The following KCNJ12 variants were observed in gnomAD, a reference collection of about 807,000 sequenced individuals.
KCNJ12 encodes potassium inwardly rectifying channel subfamily J member 12, also known as ATP-sensitive inward rectifier potassium channel 12.
KCNJ12 carries 2 observed loss-of-function variants against 22.3 expected under a neutral mutation model. The ratio of observed to expected loss-of-function variants is 0.09; its 90% CI spans 0.04 to 0.28. KCNJ12 has a LOEUF of 0.28. Among genes scored for constraint, KCNJ12 ranks in the 10% least tolerant of loss-of-function variants. The pLI is 1.00. For missense variants in KCNJ12, 155 were observed against 633.3 expected (o/e 0.24, Z 8.11); for synonymous variants, 117 against 261.4 (o/e 0.45, Z 5.33).
chr17:21,415,816 C>G lies in KCNJ12; in HGVS notation c.474C>G (p.Ala158=), dbSNP rs146165782. 5 of 1,613,314 alleles carry G rather than the reference C, an allele frequency of 3.1e-6. No individual in the cohort carries two copies. The highest frequency in any genetic ancestry group is 3.4e-6 in the Non-Finnish European group (4 of 1,179,884). The change falls in exon 3 of 3, where the codon GCC becomes GCG. Residue 158 remains alanine (A), a synonymous_variant. Coordinates refer to ENST00000583088, the MANE Select transcript of KCNJ12 (RefSeq NM_021012.5). ...LRCVTEECPV[A]VFMVVAQSIV... is the part of the protein sequence containing the mutation. ...GTGTGACGGAGGAGTGCCCGGTGGC[C>G]GTCTTCATGGTGGTGGCCCAGTCCA...
intron 1 of KCNJ12, among the ~76,000 whole-genome samples, chr17:21,391,548 T>TGCTC (rs1236257500): frequency 6.6e-6 from 1 of 152,226 alleles, no homozygotes; most frequent in Non-Finnish European, 1.5e-5. Context: ...TCTGAACCTG[T>TGCTC]GCTCTCTGGG....
At chr17:21,393,545 G>A (rs1905260207) in intron 1 of KCNJ12, among the ~76,000 whole-genome samples, 1 of 152,198 alleles carries the variant, frequency 6.6e-6, no homozygotes, top group Non-Finnish European at 1.5e-5. Context: ...GCCCCTCTGG[G>A]AGCCTCAGAC....
At chr17:21,395,459 G>A (rs1905324899) in intron 1 of KCNJ12, among the ~76,000 whole-genome samples, 1 of 148,066 alleles carries the variant, frequency 6.8e-6, no homozygotes, top group Non-Finnish European at 1.5e-5. Flanking sequence ...GCCGGGCATA[G>A]TGAAACCCAC....
intron 1 of KCNJ12, among the ~76,000 whole-genome samples, chr17:21,389,808 C>T (rs1905165410): frequency 1.3e-5 from 2 of 152,120 alleles, no homozygotes; most frequent in Non-Finnish European, 2.9e-5. Flanking sequence ...ATCCCTGGGC[C>T]CCAGGCAGGG....
chr17:21,378,172 C>T (rs377600526), intron 1 of KCNJ12, among the ~76,000 whole-genome samples: 39 of 152,358 alleles, frequency 2.6e-4, no homozygotes, highest in East Asian at 1.9e-3. Context: ...CCTGGCCGCG[C>T]GGCTGGACCC....
In KCNJ12 at chr17:21,417,053, T is replaced by C. The variant is rs62049522; in HGVS notation, c.*409T>C. 12 of 263,298 alleles carry C rather than the reference T, an allele frequency of 4.6e-5. No homozygotes were observed. The highest frequency in any genetic ancestry group is 1.1e-4 in the African/African-American group (5 of 44,912). The allele number at this position is 263,298 out of a possible 1,614,324, so 16.3% of individuals were successfully genotyped here. On this transcript the variant is annotated 3_prime_UTR_variant, in exon 3 of 3. Coordinates refer to ENST00000583088, the MANE Select transcript of KCNJ12 (RefSeq NM_021012.5). ...GAGAAACACCGGGTTTCAGCTTTCTTGACCTTAGCTTGGGTGAGACTGTTT... is the reference window on the plus strand; with the variant it reads ...GAGAAACACCGGGTTTCAGCTTTCTCGACCTTAGCTTGGGTGAGACTGTTT...
chr17:21,405,931 T>G (rs1352656222), intron 1 of KCNJ12, among the ~76,000 whole-genome samples: 2 of 152,306 alleles, frequency 1.3e-5, no homozygotes, highest in African/African-American at 4.8e-5. Flanking sequence ...TAATTTTGCC[T>G]TCCTCCTAGA....
chr17:21,408,950 T>G, intron 2 of KCNJ12, among the ~76,000 whole-genome samples: 1 of 152,312 alleles, frequency 6.6e-6, no homozygotes. Context: ...CACCCATCTG[T>G]CAACCCGATT....
intron 1 of KCNJ12, among the ~76,000 whole-genome samples, chr17:21,377,629 G>A (rs1343836734): frequency 1.3e-5 from 2 of 152,068 alleles, no homozygotes; most frequent in Non-Finnish European, 2.9e-5. Flanking sequence ...AGCGGGGCGG[G>A]AATCAGGGGC....
intron 1 of KCNJ12, among the ~76,000 whole-genome samples, chr17:21,403,904 C>T (rs1597571853): frequency 6.6e-6 from 1 of 152,294 alleles, no homozygotes; most frequent in Non-Finnish European, 1.5e-5. Flanking sequence ...TGAATTCATG[C>T]CTTGTTGCCC....
chr17:21,415,197 G>C (rs553201234), intron 2 of KCNJ12, 90 bp from the exon 3 acceptor site: 1 of 1,300,868 alleles, frequency 7.7e-7, no homozygotes, highest in African/African-American at 1.5e-5. Flanking sequence ...GGGTGGAAGC[G>C]TCCTCCAGTC....
At chr17:21,409,293 A>AGG (rs1906176852) in intron 2 of KCNJ12, among the ~76,000 whole-genome samples, 1 of 152,310 alleles carries the variant, frequency 6.6e-6, no homozygotes, top group Non-Finnish European at 1.5e-5. Flanking sequence ...TGTGGGGCAG[A>AGG]AGGAGGAGGA....
chr17:21,414,243 G>A (rs74849336), intron 2 of KCNJ12, among the ~76,000 whole-genome samples: 9,589 of 109,916 alleles, frequency 0.087, no homozygotes, highest in African/African-American at 0.14. Context: ...AGGAGGCCGA[G>A]GCAGGTGGAT....
chr17:21,378,351 A>G (rs7216121), intron 1 of KCNJ12, among the ~76,000 whole-genome samples: 102,202 of 152,184 alleles, frequency 0.67, 34,779 homozygotes, highest in African/African-American at 0.79. Flanking sequence ...GTATTCTGAG[A>G]AGAGCCCCTC....
Position 21,416,447 on chromosome 17 carries a change from C to A in KCNJ12, c.1105C>A (p.Leu369Met), listed in dbSNP as rs1325351632. ...GGATCTGGTAGAGAACAAGTTCCTG[C>A]TGCCCAGCGCCAACTCCTTCTGCTA... ...AKDLVENKFL[L>M]PSANSFCYEN... Residue 369 changes from leucine to methionine, a missense_variant, in exon 3 of 3, where the codon CTG becomes ATG. Coordinates refer to ENST00000583088, the MANE Select transcript of KCNJ12 (RefSeq NM_021012.5). The A allele has an allele frequency of 6.2e-7, 1 of 1,614,120 alleles. No individual in the cohort carries two copies. The highest frequency in any genetic ancestry group is 1.3e-5 in the African/African-American group (1 of 75,090).
At chr17:21,378,793 G>A (rs1435932675) in intron 1 of KCNJ12, among the ~76,000 whole-genome samples, 2 of 152,074 alleles carry the variant, frequency 1.3e-5, no homozygotes, top group African/African-American at 4.8e-5. Context: ...TTCTCTGGGA[G>A]GGGCAGGACC....
rs1171256438 is a variant in KCNJ12 at position 21,376,389 on chromosome 17, C to T, written c.-703C>T. The T allele has an allele frequency of 6.6e-6, 1 of 151,708 alleles. No individual in the cohort carries two copies. The highest frequency in any genetic ancestry group is 2.4e-5 in the African/African-American group (1 of 41,332). The allele number at this position is 151,708 out of a possible 1,614,324, so 9.4% of individuals were successfully genotyped here. A position where few individuals can be genotyped will look rare whatever the true frequency, so the allele number is the denominator to read the frequency against. On this transcript the variant is annotated 5_prime_UTR_variant, in exon 1 of 3. Coordinates refer to ENST00000583088, the MANE Select transcript of KCNJ12 (RefSeq NM_021012.5). This position sits in a 1 kb window ranked among gnomAD's most constrained non-coding sequence, Gnocchi z 5.3. ...CGAGCTGAGCTCCGGTGGAGCGAGG[C>T]GCGGAGCTGGGTGCGCGCCGAGCCT... is the stretch of plus-strand genomic sequence containing the variant.
intron 2 of KCNJ12, 95 bp downstream of exon 2, chr17:21,408,735 C>G (rs1906132343): frequency 2.0e-5 from 3 of 152,366 alleles, no homozygotes; most frequent in South Asian, 4.1e-4. Context: ...CCCACCATGC[C>G]ATCCTTTCAT....
At chr17:21,382,617 G>A (rs1019517113) in intron 1 of KCNJ12, among the ~76,000 whole-genome samples, 7 of 152,210 alleles carry the variant, frequency 4.6e-5, no homozygotes, top group Non-Finnish European at 1.0e-4. Flanking sequence ...AGACTGGCAT[G>A]CTTTCTGCTT....
Sources: allele counts gnomAD v4.1 joint callset (sites outside exome capture counted in the v4.1 genomes callset), GRCh38; gene constraint gnomAD v4.1.1; non-coding constraint Gnocchi (gnomAD v3.1); transcripts MANE v1.5; gene names NCBI Gene and HGNC (gene_info 2026-07-23, HGNC 2026-07-21).